The following ADGRG1 variants were observed in gnomAD, a reference collection of about 807,000 sequenced individuals.
ADGRG1 encodes 7-transmembrane protein with no EGF-like N-terminal domains-1.
ADGRG1 carries 53 observed loss-of-function variants against 73.5 expected under a neutral mutation model. That is an observed-to-expected ratio of 0.72 (90% CI 0.58 to 0.91). The LOEUF (loss-of-function observed/expected upper bound fraction) is 0.91. Among genes scored for constraint, ADGRG1 ranks in the 40% least tolerant of loss-of-function variants. The probability of loss-of-function intolerance (pLI) is 0.00; values close to 1 mark genes in which losing one functional copy is unlikely to be tolerated. For synonymous variants in ADGRG1, 394 were observed against 374.4 expected (o/e 1.05, Z -0.60); for missense variants, 795 against 871.8 (o/e 0.91, Z 1.11).
chr16:57,643,757 GC>G, intron 1 of ADGRG1: 1 of 984,552 alleles, frequency 1.0e-6, no homozygotes, highest in Non-Finnish European at 1.2e-6. Flanking sequence ...CTCTTGGGGA[GC>G]TCTCTGTGGT....
At chr16:57,644,310 T>C in intron 1 of ADGRG1, 1 of 515,192 alleles carries the variant, frequency 1.9e-6, no homozygotes, top group Non-Finnish European at 2.5e-6. Context: ...CACACACTCA[T>C]GCACACAAGG....
chr16:57,654,163 T>C (rs1361126623), intron 5 of ADGRG1, 30 bp downstream of exon 5: 1 of 1,603,146 alleles, frequency 6.2e-7, no homozygotes, highest in African/African-American at 1.3e-5. Context: ...AGGAAGCAGA[T>C]GCGGGTTGGG....
rs4545809 is a variant in ADGRG1 at position 57,644,163 on chromosome 16, G to A, written c.-35-6090G>A. The A allele has an allele frequency of 2.0e-5, 20 of 980,682 alleles. No homozygotes were observed. In the East Asian group the frequency reaches 3.6e-4, roughly 18 times the overall value. The allele number at this position is 980,682 out of a possible 1,614,324, so 60.7% of individuals were successfully genotyped here. A position where few individuals can be genotyped will look rare whatever the true frequency, so the allele number is the denominator to read the frequency against. ...AGTCTGTTCCTCTGAGGAGCTCCCC[G>A]CCTTCTCTTGCTTTCTCCTCCTGGC... On this transcript the variant is annotated intron_variant, in intron 1 of 13. Transcript: ENST00000562631.
At chr16:57,631,782 C>G in intron 1 of ADGRG1, 1 of 985,620 alleles carries the variant, frequency 1.0e-6, no homozygotes, top group South Asian at 4.7e-5. Flanking sequence ...TCTCCTGAGC[C>G]GTCACTTGGC....
At chr16:57,629,359 C>G (rs2037077255) in intron 1 of ADGRG1, 1 of 157,404 alleles carries the variant, frequency 6.4e-6, no homozygotes, top group Non-Finnish European at 1.4e-5. Flanking sequence ...AGTCACTGGG[C>G]CCAGCAAGCT....
At chr16:57,640,957 C>G (rs1281190383) in intron 1 of ADGRG1, 9 of 985,410 alleles carry the variant, frequency 9.1e-6, no homozygotes, top group African/African-American at 1.7e-5. Flanking sequence ...GGAAGGGGAA[C>G]CTCAGCCAGA....
chr16:57,630,440 C>A, intron 1 of ADGRG1: 3 of 985,858 alleles, frequency 3.0e-6, no homozygotes, highest in Non-Finnish European at 3.6e-6. Flanking sequence ...CCTTGCCCTT[C>A]CTCTCCTCTC....
intron 1 of ADGRG1, chr16:57,647,479 C>T: frequency 5.1e-6 from 5 of 972,132 alleles, no homozygotes; most frequent in Non-Finnish European, 6.1e-6. Context: ...TGGCACCTGC[C>T]TCTAAGCCGT....
At position 57,663,754 on chromosome 16, in the gene ADGRG1, T is replaced by C; in HGVS notation, c.*172T>C. 1.4e-6 allele frequency: 1 copy of C among 724,554 alleles called. No homozygotes were observed. Among genetic ancestry groups the C allele is most frequent in the Non-Finnish European group, 2.3e-6 (1 of 431,156 alleles). 44.9% of individuals were successfully genotyped at this position (724,554 alleles called of 1,614,324 possible). A position where few individuals can be genotyped will look rare whatever the true frequency, so the allele number is the denominator to read the frequency against. ...GGTGGACGGACTCCCGGGCTGGGCT[T>C]TTGAATTGGCCTTGGGGACTACTCG... On this transcript the variant is annotated 3_prime_UTR_variant, in exon 14 of 14. Coordinates refer to ENST00000562631, the MANE Select transcript of ADGRG1 (RefSeq NM_201525.4).
intron 1 of ADGRG1, chr16:57,631,280 G>A (rs2037828635): frequency 2.0e-6 from 2 of 986,214 alleles, no homozygotes; most frequent in African/African-American, 1.7e-5. Flanking sequence ...AAGAGGAGTG[G>A]GCAGGACAGC....
Position 57,639,070 on chromosome 16 carries a change from A to AG in ADGRG1, c.-36+10269dup, listed in dbSNP as rs1405631524. Among the ~76,000 whole-genome samples, 21 of 151,568 alleles carry AG rather than the reference A, an allele frequency of 1.4e-4. 1 individual carries two copies. The highest frequency in any genetic ancestry group is 4.8e-4 in the African/African-American group (20 of 41,348). The stretch of plus-strand genomic sequence containing the variant: ...GGGCGAAAGAGCGAAACTCTGTTTG[A>AG]GAAAAAAAAAAAAAAGATTTGGTTT... On this transcript the variant is annotated intron_variant, in intron 1 of 13. Coordinates refer to ENST00000562631, the MANE Select transcript of ADGRG1 (RefSeq NM_201525.4).
chr16:57,658,544 T>C (rs11866053), intron 10 of ADGRG1, among the ~76,000 whole-genome samples: 32,064 of 152,190 alleles, frequency 0.21, 3,553 homozygotes, highest in Non-Finnish European at 0.22. Context: ...CCTATATGAC[T>C]GTCCTGTGTG....
chr16:57,625,553 T>C (rs1205733869), upstream of ADGRG1: 11 of 984,818 alleles, frequency 1.1e-5, no homozygotes, highest in Non-Finnish European at 1.3e-5. Context: ...TCTACTCCTC[T>C]GCCCATCCCT....
At chr16:57,645,377 AC>A in intron 1 of ADGRG1, 3 of 829,764 alleles carry the variant, frequency 3.6e-6, no homozygotes, top group Non-Finnish European at 2.7e-6. Flanking sequence ...CCACCCCACC[AC>A]CCCCCAACCT....
intron 10 of ADGRG1, among the ~76,000 whole-genome samples, chr16:57,658,315 C>T (rs2046251331): frequency 6.6e-6 from 1 of 152,174 alleles, no homozygotes; most frequent in Non-Finnish European, 1.5e-5. Context: ...TATGAAGGAA[C>T]ACTCAGAGAG....
At chr16:57,659,238 A>T (rs1423092832) in intron 10 of ADGRG1, 175 bp from the exon 11 acceptor site, 1 of 984,702 alleles carries the variant, frequency 1.0e-6, no homozygotes, top group South Asian at 4.7e-5. Flanking sequence ...GTAGGTGCAC[A>T]GGGGGATGTG....
At position 57,655,041 on chromosome 16, in the gene ADGRG1, C is replaced by A. The variant is rs1311165743; in HGVS notation, c.769-358C>A. 7.1e-6 allele frequency: 7 copies of A among 984,318 alleles called. No homozygotes were observed. The East Asian group carries it at 5.7e-4, about 80-fold the overall frequency. The allele number at this position is 984,318 out of a possible 1,614,324, so 61.0% of individuals were successfully genotyped here. A position where few individuals can be genotyped will look rare whatever the true frequency, so the allele number is the denominator to read the frequency against. ...AGCCACACACCCCATCTTGAGACTG[C>A]CCCCTGAGTGGCTCTGGTTAGCTGG... On this transcript the variant is annotated intron_variant, in intron 5 of 13. Transcript: ENST00000562631.
rs75748498 is a variant in ADGRG1 at position 57,630,557 on chromosome 16, C to T, written c.-36+1755C>T. 2,988 of 982,490 alleles carry T rather than the reference C, an allele frequency of 3.0e-3. 77 individuals carry two copies. The East Asian group carries it at 0.083, about 27-fold the overall frequency. The allele number at this position is 982,490 out of a possible 1,614,324, so 60.9% of individuals were successfully genotyped here. On this transcript the variant is annotated intron_variant, in intron 1 of 13. Coordinates refer to ENST00000562631, the MANE Select transcript of ADGRG1 (RefSeq NM_201525.4). ...GAGAGTGTCGGGTGATGGAGAACGCCGCTCCAGGTGTGATCTGTGACGGAC... is the reference window on the plus strand; with the variant it reads ...GAGAGTGTCGGGTGATGGAGAACGCTGCTCCAGGTGTGATCTGTGACGGAC...
At chr16:57,627,780 A>G, upstream of ADGRG1, 1 of 985,218 alleles carries the variant, frequency 1.0e-6, no homozygotes, top group Non-Finnish European at 1.2e-6. Context: ...GAGTTATCCA[A>G]AGCCTCCTGA....
Sources: allele counts gnomAD v4.1 joint callset (sites outside exome capture counted in the v4.1 genomes callset), GRCh38; gene constraint gnomAD v4.1.1; transcripts MANE v1.5; gene names NCBI Gene and HGNC (gene_info 2026-07-23, HGNC 2026-07-21).